The following PCDH1 variants were observed in gnomAD, a reference collection of about 807,000 sequenced individuals.
PCDH1 encodes protocadherin 1.
Under a neutral mutation model 74.6 loss-of-function variants are expected in PCDH1, and 23 were observed. The observed-to-expected ratio is 0.31, with a 90% confidence interval of 0.22 to 0.44. PCDH1 has a LOEUF of 0.44. PCDH1 is among the 20% of genes least tolerant of loss of function. The probability of loss-of-function intolerance (pLI) is 1.00; values close to 1 mark genes in which losing one functional copy is unlikely to be tolerated. For synonymous variants in PCDH1, 647 were observed against 686.1 expected (o/e 0.94, Z 0.89); for missense variants, 1,214 against 1,641.4 (o/e 0.74, Z 4.50).
In PCDH1 at chr5:141,864,321, G is replaced by T; in HGVS notation, c.2010C>A (p.Ser670Arg). 1 of 1,614,102 alleles carries T rather than the reference G, an allele frequency of 6.2e-7. No homozygotes were observed. Among genetic ancestry groups the T allele is most frequent in the Non-Finnish European group, 8.5e-7 (1 of 1,179,952 alleles). Residue 670 changes from serine to arginine, a missense_variant, in exon 3 of 5, where the codon AGC (serine) becomes AGA (arginine). This residue lies in a region of PCDH1 where 836 missense variants were observed against 1,182.2 expected (regional missense o/e 0.71). Coordinates refer to ENST00000287008, the MANE Select transcript of PCDH1 (RefSeq NM_032420.5). The surrounding 1 kb of genome is among the most constrained non-coding windows in gnomAD (Gnocchi z 5.9). The stretch of plus-strand genomic sequence containing the variant: ...TTTGTTGCTCTCGATCAAAGCTCAG[G>T]CTGGATAGGATGGTGCCTGTGCCAT... Reference protein sequence around the residue: ...IQNGTGTILSSLSFDREQQST... With the variant: ...IQNGTGTILSRLSFDREQQST...
chr5:141,866,543 G>A (rs1370845894), intron 2 of PCDH1, among the ~76,000 whole-genome samples: 1 of 152,172 alleles, frequency 6.6e-6, no homozygotes, highest in Admixed American at 6.5e-5. Flanking sequence ...TGGGGAGTGA[G>A]GGGAGAATAA....
Position 141,864,636 on chromosome 5 carries a change from C to G in PCDH1, c.1695G>C (p.Gln565His). Residue 565 changes from glutamine (Q) to histidine (H), a missense_variant, in exon 3 of 5, where the codon CAG becomes CAC. Around this residue, in one of 4 missense-constraint regions of PCDH1, gnomAD observed 836 missense variants for 1,182.2 expected, o/e 0.71. Transcript: ENST00000287008. The surrounding 1 kb of genome is among the most constrained non-coding windows in gnomAD (Gnocchi z 5.9). The part of the protein sequence containing the change: ...FTISPETGEI[Q>H]VKTSLDREQR... Reference sequence around the variant, plus strand: ...GTTCCCGATCCAGAGATGTCTTCACCTGGATCTCTCCAGTCTCGGGTGAGA... The same window carrying G: ...GTTCCCGATCCAGAGATGTCTTCACGTGGATCTCTCCAGTCTCGGGTGAGA... 2 of 1,613,724 alleles carry G rather than the reference C, an allele frequency of 1.2e-6. No homozygotes were observed. The highest frequency in any genetic ancestry group is 1.1e-5 in the South Asian group (1 of 91,076).
rs192056530 is a variant in PCDH1 at position 141,872,989 on chromosome 5, C to T, written c.41-3558G>A. Among the ~76,000 whole-genome samples, 165 of 152,288 alleles carry T rather than the reference C, an allele frequency of 1.1e-3. 1 individual carries two copies. The Middle Eastern group carries it at 0.017, about 16-fold the overall frequency. On this transcript the variant is annotated intron_variant, in intron 1 of 4. Coordinates refer to ENST00000287008, the MANE Select transcript of PCDH1 (RefSeq NM_032420.5). ...AGAGTTTCTTCAAAATGAGGATTAT[C>T]TGGCCCCACCCTTAGGAATCTTTAT...
chr5:141,862,575 G>T, intron 3 of PCDH1: 1 of 950,738 alleles, frequency 1.1e-6, no homozygotes, highest in Non-Finnish European at 1.3e-6. Flanking sequence ...GGAAATTGAG[G>T]TAGGACCTGA....
intron 1 of PCDH1, among the ~76,000 whole-genome samples, chr5:141,873,219 G>C: frequency 6.6e-6 from 1 of 151,560 alleles, no homozygotes; most frequent in East Asian, 1.9e-4. Context: ...TCCACCTTTC[G>C]GGTTCAAGCA....
chr5:141,857,016 A>C (rs1056655628), intron 4 of PCDH1, among the ~76,000 whole-genome samples: 3 of 152,204 alleles, frequency 2.0e-5, no homozygotes, highest in Admixed American at 2.0e-4. Flanking sequence ...ACTTTGGGCA[A>C]GTGACTTAAC....
At position 141,878,157 on chromosome 5, in the gene PCDH1, C is replaced by T. The variant is rs1220522572; in HGVS notation, c.40+66G>A. The T allele has an allele frequency of 1.4e-6, 2 of 1,383,196 alleles. No individual in the cohort carries two copies. Among genetic ancestry groups the T allele is most frequent in the East Asian group, 3.2e-5 (1 of 31,474 alleles). The allele number at this position is 1,383,196 out of a possible 1,614,324, so 85.7% of individuals were successfully genotyped here. ...GCTCCGCCGAGCGCCCCTCCCTCAG[C>T]TCCCGCCGGCCATGACCGCTTCGGG... On this transcript the variant is annotated intron_variant, in intron 1 of 4. Transcript: ENST00000287008. The surrounding 1 kb of genome is among the most constrained non-coding windows in gnomAD (Gnocchi z 5.5).
Position 141,868,991 on chromosome 5 carries a change from T to G in PCDH1, c.481A>C (p.Ile161Leu). Residue 161 changes from isoleucine to leucine, a missense_variant, in exon 2 of 5, where the codon ATC (isoleucine) becomes CTC (leucine). Physicochemically the swap from Ile to Leu is conservative, Grantham distance 5. Around this residue, in one of 4 missense-constraint regions of PCDH1, gnomAD observed 97 missense variants for 173.2 expected, o/e 0.56. Coordinates refer to ENST00000287008, the MANE Select transcript of PCDH1 (RefSeq NM_032420.5). This position sits in a 1 kb window ranked among gnomAD's most constrained non-coding sequence, Gnocchi z 4.8. The stretch of plus-strand genomic sequence containing the variant: ...GCGAAGTTGGGTGTGTTGTCATTGA[T>G]GTCTTGTACTTCTATCTGGCCCTCT... ...LLEGQIEVQD[I>L]NDNTPNFASP... The G allele has an allele frequency of 6.2e-7, 1 of 1,614,182 alleles. No individual in the cohort carries two copies. The highest frequency in any genetic ancestry group is 1.1e-5 in the South Asian group (1 of 91,086).
Position 141,877,346 on chromosome 5 carries a change from G to C in PCDH1, c.40+877C>G, listed in dbSNP as rs1444888218. ...CCATCAAGCGTGTGCTGAGATACTG[G>C]GTTGTGTGTTTGTGTGGGTGCAGTA... On this transcript the variant is annotated intron_variant, in intron 1 of 4. Coordinates refer to ENST00000287008, the MANE Select transcript of PCDH1 (RefSeq NM_032420.5). Among the ~76,000 whole-genome samples, 3 of 152,196 alleles carry C rather than the reference G, an allele frequency of 2.0e-5. No individual in the cohort carries two copies. The East Asian group carries it at 5.8e-4, about 29-fold the overall frequency.
chr5:141,878,266 C>A lies in PCDH1; in HGVS notation c.-4G>T. The A allele has an allele frequency of 4.6e-6, 6 of 1,309,432 alleles. No individual in the cohort carries two copies. In the South Asian group the frequency reaches 8.4e-5, roughly 18 times the overall value. 81.1% of individuals were successfully genotyped at this position (1,309,432 alleles called of 1,614,324 possible). A position where few individuals can be genotyped will look rare whatever the true frequency, so the allele number is the denominator to read the frequency against. Reference sequence around the variant, plus strand: ...GGCCGCCCGCCCCGCTGTCCATGAGCCGCCGCCGGCCCCGGCCTGGGCTGC... The same window carrying A: ...GGCCGCCCGCCCCGCTGTCCATGAGACGCCGCCGGCCCCGGCCTGGGCTGC... On this transcript the variant is annotated 5_prime_UTR_variant, in exon 1 of 5. Transcript: ENST00000287008. This position sits in a 1 kb window ranked among gnomAD's most constrained non-coding sequence, Gnocchi z 5.5.
intron 4 of PCDH1, chr5:141,856,144 G>C (rs541880268): frequency 3.7e-6 from 5 of 1,351,960 alleles, no homozygotes; most frequent in Middle Eastern, 1.8e-4. Context: ...GCTCAGAGCA[G>C]AGCATGGGCA....
At position 141,857,459 on chromosome 5, in the gene PCDH1, G is replaced by A. The variant is rs1266710399; in HGVS notation, c.3112C>T (p.Arg1038Cys). The A allele has an allele frequency of 2.5e-6, 4 of 1,613,648 alleles. No individual in the cohort carries two copies. Among genetic ancestry groups the A allele is most frequent in the South Asian group, 1.1e-5 (1 of 91,026 alleles). ...TGGCTGGTGGCCGAGAAGGTGACGC[G>A]GCGGTGAGGTAACTGCAGGGAGACA... ...KYPSKQLPHR[R>C]VTFSATSQAQ... is the part of the protein sequence containing the mutation. Residue 1038 changes from arginine (R) to cysteine (C), a missense_variant, in exon 4 of 5, where the codon CGC becomes TGC. This residue lies in a region of PCDH1 where 836 missense variants were observed against 1,182.2 expected (regional missense o/e 0.71). Coordinates refer to ENST00000287008, the MANE Select transcript of PCDH1 (RefSeq NM_032420.5).
rs146837198 is a variant in PCDH1, at chr5:141,865,285, T to C, written c.1046A>G (p.Asp349Gly). ...ITVQGPVDREDLSTLRFSVLA... is the reference protein window; with the variant it reads ...ITVQGPVDREGLSTLRFSVLA... ...CACTGAGAAGCGCAGGGTGCTTAGG[T>C]CCTCACGGTCCACCGGGCCCTGAAC... The change falls in exon 3 of 5, where the codon GAC becomes GGC. Residue 349 changes from aspartate (D) to glycine (G), a missense_variant. Asp to Gly is a moderately conservative substitution (Grantham distance 94). Around this residue, in one of 4 missense-constraint regions of PCDH1, gnomAD observed 836 missense variants for 1,182.2 expected, o/e 0.71. Coordinates refer to ENST00000287008, the MANE Select transcript of PCDH1 (RefSeq NM_032420.5). The surrounding 1 kb of genome is among the most constrained non-coding windows in gnomAD (Gnocchi z 4.4). The C allele has an allele frequency of 5.5e-5, 89 of 1,614,020 alleles. No homozygotes were observed. In the African/African-American group the frequency reaches 1.1e-3, roughly 19 times the overall value.
chr5:141,868,192 C>T lies in PCDH1; in HGVS notation c.903+377G>A, dbSNP rs1752932010. On this transcript the variant is annotated intron_variant, in intron 2 of 4. Transcript: ENST00000287008. This position sits in a 1 kb window ranked among gnomAD's most constrained non-coding sequence, Gnocchi z 4.8. Reference sequence around the variant, plus strand: ...TCCCTGGTTGGGAAGATACTCTCATCTCAGGAGAGATTCTACCTGGATAAA... The same window carrying T: ...TCCCTGGTTGGGAAGATACTCTCATTTCAGGAGAGATTCTACCTGGATAAA... Among the ~76,000 whole-genome samples, 1 of 152,248 alleles carries T rather than the reference C, an allele frequency of 6.6e-6. No individual in the cohort carries two copies. Among genetic ancestry groups the T allele is most frequent in the African/African-American group, 2.4e-5 (1 of 41,464 alleles).
chr5:141,869,888 C>A lies in PCDH1; in HGVS notation c.41-457G>T, dbSNP rs1753044823. The stretch of plus-strand genomic sequence containing the variant: ...AGTGGAAGGGTGAGACCTCGAGCAT[C>A]CCCAACTGGAGCACCCCTCCCCACA... On this transcript the variant is annotated intron_variant, in intron 1 of 4. Transcript: ENST00000287008. The surrounding 1 kb of genome is among the most constrained non-coding windows in gnomAD (Gnocchi z 4.9). 8 of 781,502 alleles carry A rather than the reference C, an allele frequency of 1.0e-5. No homozygotes were observed. The South Asian group carries it at 4.0e-4, about 39-fold the overall frequency. 48.4% of individuals were successfully genotyped at this position (781,502 alleles called of 1,614,324 possible).
rs762322217 is a variant in PCDH1, at chr5:141,864,297, T to C, written c.2034A>G (p.Gln678=). The change falls in exon 3 of 5, where the codon CAA becomes CAG. Residue 678 remains glutamine, a synonymous_variant. Coordinates refer to ENST00000287008, the MANE Select transcript of PCDH1 (RefSeq NM_032420.5). The surrounding 1 kb of genome is among the most constrained non-coding windows in gnomAD (Gnocchi z 5.9). ...LSSLSFDREQ[Q]STYTFQLKAV... ...CCTTCAGCTGGAAGGTGTAGGTGCTTTGTTGCTCTCGATCAAAGCTCAGGC... is the reference window on the plus strand; with the variant it reads ...CCTTCAGCTGGAAGGTGTAGGTGCTCTGTTGCTCTCGATCAAAGCTCAGGC... 1.2e-6 allele frequency: 2 copies of C among 1,613,918 alleles called. No individual in the cohort carries two copies. Among genetic ancestry groups the C allele is most frequent in the Non-Finnish European group, 1.7e-6 (2 of 1,179,874 alleles).
At position 141,865,404 on chromosome 5, in the gene PCDH1, T is replaced by G; in HGVS notation, c.927A>C (p.Gln309His). The G allele has an allele frequency of 6.2e-7, 1 of 1,613,460 alleles. No homozygotes were observed. Among genetic ancestry groups the G allele is most frequent in the Non-Finnish European group, 8.5e-7 (1 of 1,179,954 alleles). Reference sequence around the variant, plus strand: ...TGTATTCGATTTCTGCATTGGCACCTTGGTCTGAGTCATTGGCCTTCACCT... The same window carrying G: ...TGTATTCGATTTCTGCATTGGCACCGTGGTCTGAGTCATTGGCCTTCACCT... The part of the protein sequence containing the change: ...VIQVKANDSD[Q>H]GANAEIEYTF... Residue 309 changes from glutamine (Q) to histidine (H), a missense_variant, in exon 3 of 5, where the codon CAA (glutamine) becomes CAC (histidine). By Grantham distance (24) the Gln-to-His change is conservative (BLOSUM62 0). Transcript: ENST00000287008. This position sits in a 1 kb window ranked among gnomAD's most constrained non-coding sequence, Gnocchi z 4.4.
intron 4 of PCDH1, among the ~76,000 whole-genome samples, chr5:141,856,742 C>A (rs1752355032): frequency 6.6e-6 from 1 of 152,150 alleles, no homozygotes; most frequent in African/African-American, 2.4e-5. Flanking sequence ...TCTCCCACTC[C>A]TCACCCCAGC....
intron 1 of PCDH1, among the ~76,000 whole-genome samples, chr5:141,877,247 G>A (rs137903602): frequency 6.6e-6 from 1 of 152,170 alleles, no homozygotes; most frequent in African/African-American, 2.4e-5. Context: ...TGTTAAGATG[G>A]GTGAAGCAGT....
Sources: allele counts gnomAD v4.1 joint callset (sites outside exome capture counted in the v4.1 genomes callset), GRCh38; gene constraint gnomAD v4.1.1; regional missense constraint gnomAD v4.1.1; non-coding constraint Gnocchi (gnomAD v3.1); transcripts MANE v1.5; gene names NCBI Gene and HGNC (gene_info 2026-07-23, HGNC 2026-07-21).